The following UBE2J1 variants were observed in gnomAD, a reference collection of about 807,000 sequenced individuals.
The protein encoded by UBE2J1 is ubiquitin conjugating enzyme E2 J1, also known as ubiquitin-conjugating enzyme E2 J1.
UBE2J1 carries 17 observed loss-of-function variants against 42.1 expected under a neutral mutation model. The observed-to-expected ratio is 0.40, with a 90% CI of 0.28 to 0.61. The LOEUF (loss-of-function observed/expected upper bound fraction) is 0.61, where lower values mean the gene tolerates loss of function less well. Among genes scored for constraint, UBE2J1 ranks in the 20% least tolerant of loss-of-function variants. The pLI is 0.38. For synonymous variants in UBE2J1, 127 were observed against 137.2 expected, an observed-to-expected ratio of 0.93 and a Z score of 0.52; for missense variants, 291 against 389.4, an observed-to-expected ratio of 0.75 and a Z score of 2.13.
chr6:89,349,717 C>T (rs764515073), intron 1 of UBE2J1, among the ~76,000 whole-genome samples: 2 of 152,106 alleles, frequency 1.3e-5, no homozygotes, highest in Non-Finnish European at 2.9e-5. Context: ...CTGAGTTGGA[C>T]ATGAAACCTT....
Position 89,338,203 on chromosome 6 carries a change from AC to A in UBE2J1, c.428+1del, listed in dbSNP as rs1307042975. The A allele has an allele frequency of 6.2e-7, 1 of 1,607,972 alleles. No homozygotes were observed. The highest frequency in any genetic ancestry group is 8.5e-7 in the Non-Finnish European group (1 of 1,177,012). ...TCAAGAAGAATGAAATGCAAAACTT[AC>A]TTTTTGGCAAGTGCTCTTCTTTCCT... On this transcript the variant is annotated splice_donor_variant, in intron 5 of 7. Transcript: ENST00000435041. LOFTEE classifies it high-confidence loss of function.
At chr6:89,336,988 T>A (rs977825294) in intron 5 of UBE2J1, among the ~76,000 whole-genome samples, 2 of 151,988 alleles carry the variant, frequency 1.3e-5, no homozygotes, top group Non-Finnish European at 2.9e-5. Flanking sequence ...TACAGGCACG[T>A]GCCACCACGC....
rs1193022037 is a variant in UBE2J1 at position 89,351,069 on chromosome 6, C to CTTTTTTTTTTTT, written c.31+1458_31+1469dup. Among the ~76,000 whole-genome samples the CTTTTTTTTTTTT allele has an allele frequency of 1.2e-4, 7 of 60,462 alleles. 1 individual carries two copies. Among genetic ancestry groups the CTTTTTTTTTTTT allele is most frequent in the African/African-American group, 2.1e-4 (3 of 14,476 alleles). 39.7% of individuals were successfully genotyped at this position (60,462 alleles called of 152,430 possible). A position where few individuals can be genotyped will look rare whatever the true frequency, so the allele number is the denominator to read the frequency against. ...TCCTCCCTCCCCACCCCGGGATTCT[C>CTTTTTTTTTTTT]TTTTTTTTTTTTTTTTTTTTTTTTT... On this transcript the variant is annotated intron_variant, in intron 1 of 7. Coordinates refer to ENST00000435041, the MANE Select transcript of UBE2J1 (RefSeq NM_016021.3).
intron 6 of UBE2J1, 147 bp from the exon 7 acceptor site, chr6:89,333,352 C>CT: frequency 1.2e-6 from 1 of 865,594 alleles, no homozygotes; most frequent in Non-Finnish European, 1.7e-6. Context: ...ACTGAGCACT[C>CT]TTGTGTCCAA....
intron 5 of UBE2J1, 134 bp downstream of exon 5, chr6:89,338,071 C>A: frequency 1.7e-6 from 1 of 575,774 alleles, no homozygotes; most frequent in Non-Finnish European, 3.0e-6. Flanking sequence ...CCTAAAAGAG[C>A]AAAACTGAGA....
In UBE2J1 at chr6:89,333,146, T is replaced by A; in HGVS notation, c.618A>T (p.Ser206=). Residue 206 remains serine, a synonymous_variant, in exon 7 of 8, where the codon TCA becomes TCT. Transcript: ENST00000435041. ...ISESDLNHSF[S]LTDLQDDIPT... ...GTATATCATCTTGTAAATCAGTTAGTGAAAAAGAGTGGTTTAAGTCTGACT... is the reference window on the plus strand; with the variant it reads ...GTATATCATCTTGTAAATCAGTTAGAGAAAAAGAGTGGTTTAAGTCTGACT... 1 of 1,613,314 alleles carries A rather than the reference T, an allele frequency of 6.2e-7. No individual in the cohort carries two copies. Among genetic ancestry groups the A allele is most frequent in the Non-Finnish European group, 8.5e-7 (1 of 1,179,572 alleles).
chr6:89,343,402 T>C (rs1480924941), intron 2 of UBE2J1, among the ~76,000 whole-genome samples: 2 of 126,498 alleles, frequency 1.6e-5, no homozygotes, highest in Non-Finnish European at 3.1e-5. Flanking sequence ...ATCACTGCAC[T>C]CCAGCCTGGG....
intron 1 of UBE2J1, among the ~76,000 whole-genome samples, chr6:89,349,328 G>A (rs1421695513): frequency 1.3e-5 from 2 of 152,198 alleles, no homozygotes; most frequent in African/African-American, 2.4e-5. Context: ...AAGCTAAGCA[G>A]TTTACTTTGA....
chr6:89,333,327 A>G, intron 6 of UBE2J1, 122 bp from the exon 7 acceptor site: 5 of 1,167,046 alleles, frequency 4.3e-6, no homozygotes, highest in Non-Finnish European at 4.7e-6. Flanking sequence ...AATATCTATT[A>G]TCAGGCAGTT....
Position 89,335,328 on chromosome 6 carries a change from C to T in UBE2J1, c.532G>A (p.Glu178Lys), listed in dbSNP as rs1562413531. 1 of 1,605,802 alleles carries T rather than the reference C, an allele frequency of 6.2e-7. No individual in the cohort carries two copies. Among genetic ancestry groups the T allele is most frequent in the Admixed American group, 1.7e-5 (1 of 59,468 alleles). ...TTAAAGCTTATTTGCCTAGCCAGTT[C>T]TTTGGCTTCTTGGTCAGCTTGGCTT... ...DSSQADQEAK[E>K]LARQISFKAE... Residue 178 changes from glutamate to lysine, a missense_variant, in exon 6 of 8, where the codon GAA becomes AAA. Around this residue, in one of 2 missense-constraint regions of UBE2J1, gnomAD observed 176 missense variants for 196.3 expected, o/e 0.90. Transcript: ENST00000435041.
At chr6:89,345,469 G>A (rs1184111278) in intron 1 of UBE2J1, among the ~76,000 whole-genome samples, 1 of 152,038 alleles carries the variant, frequency 6.6e-6, no homozygotes, top group Non-Finnish European at 1.5e-5. Context: ...AGGCATGGTG[G>A]CGGACGCCTG....
chr6:89,342,683 TAAA>T (rs1768271163), intron 2 of UBE2J1, among the ~76,000 whole-genome samples: 1 of 152,192 alleles, frequency 6.6e-6, no homozygotes, highest in African/African-American at 2.4e-5. Flanking sequence ...TATTTTATAA[TAAA>T]CACATTAAAA....
chr6:89,343,907 AG>A (rs1310973327), intron 1 of UBE2J1, 151 bp from the exon 2 acceptor site: 1 of 553,056 alleles, frequency 1.8e-6, no homozygotes, highest in African/African-American at 1.9e-5. Flanking sequence ...GAATAAATAG[AG>A]GGGGAGAGGA....
At position 89,328,967 on chromosome 6, in the gene UBE2J1, T is replaced by C. The variant is rs1383668764; in HGVS notation, c.*712A>G. 1 of 152,208 alleles carries C rather than the reference T, an allele frequency of 6.6e-6. No individual in the cohort carries two copies. The highest frequency in any genetic ancestry group is 1.5e-5 in the Non-Finnish European group (1 of 68,044). 9.4% of individuals were successfully genotyped at this position (152,208 alleles called of 1,614,324 possible). On this transcript the variant is annotated 3_prime_UTR_variant, in exon 8 of 8. Coordinates refer to ENST00000435041, the MANE Select transcript of UBE2J1 (RefSeq NM_016021.3). ...GGGCCCTTTCTTCCTTAAAAATCTATGGAAGACTGTTTTCTTTCTTTTTAA... is the reference window on the plus strand; with the variant it reads ...GGGCCCTTTCTTCCTTAAAAATCTACGGAAGACTGTTTTCTTTCTTTTTAA...
rs1582482215 is a variant in UBE2J1, at chr6:89,338,193, T to C, written c.428+12A>G. 1 of 1,600,782 alleles carries C rather than the reference T, an allele frequency of 6.2e-7. No homozygotes were observed. The highest frequency in any genetic ancestry group is 8.5e-7 in the Non-Finnish European group (1 of 1,170,340). On this transcript the variant is annotated intron_variant, in intron 5 of 7. Transcript: ENST00000435041. ...TATTCAGACCTCAAGAAGAATGAAA[T>C]GCAAAACTTACTTTTTGGCAAGTGC...
At chr6:89,343,165 A>G (rs565969418) in intron 2 of UBE2J1, among the ~76,000 whole-genome samples, 64 of 152,248 alleles carry the variant, frequency 4.2e-4, no homozygotes, top group Non-Finnish European at 7.1e-4. Flanking sequence ...GGCCGGGTGC[A>G]GTGGCTCACG....
intron 5 of UBE2J1, among the ~76,000 whole-genome samples, chr6:89,336,625 G>A (rs1194396339): frequency 6.6e-6 from 1 of 151,482 alleles, no homozygotes. Flanking sequence ...GAGCCACTGT[G>A]CCCAGCCTAA....
At chr6:89,349,163 G>C (rs1199144838) in intron 1 of UBE2J1, among the ~76,000 whole-genome samples, 3 of 152,164 alleles carry the variant, frequency 2.0e-5, no homozygotes, top group Non-Finnish European at 2.9e-5. Flanking sequence ...CTTCAGCCCA[G>C]GAGGTTGAGG....
Position 89,351,069 on chromosome 6 carries a change from C to CTTTTTTTT in UBE2J1, c.31+1462_31+1469dup, listed in dbSNP as rs1193022037. ...TCCTCCCTCCCCACCCCGGGATTCT[C>CTTTTTTTT]TTTTTTTTTTTTTTTTTTTTTTTTT... On this transcript the variant is annotated intron_variant, in intron 1 of 7. Coordinates refer to ENST00000435041, the MANE Select transcript of UBE2J1 (RefSeq NM_016021.3). Among the ~76,000 whole-genome samples, 66 of 60,464 alleles carry CTTTTTTTT rather than the reference C, an allele frequency of 1.1e-3. 8 individuals carry two copies. Among genetic ancestry groups the CTTTTTTTT allele is most frequent in the African/African-American group, 2.1e-3 (31 of 14,476 alleles). 39.7% of individuals were successfully genotyped at this position (60,464 alleles called of 152,430 possible).
Sources: allele counts gnomAD v4.1 joint callset (sites outside exome capture counted in the v4.1 genomes callset), GRCh38; gene constraint gnomAD v4.1.1; regional missense constraint gnomAD v4.1.1; transcripts MANE v1.5; gene names NCBI Gene and HGNC (gene_info 2026-07-23, HGNC 2026-07-21).